Variants in CHODL observed in about 807,000 individuals in gnomAD.
CHODL encodes chondrolectin.
A neutral mutation model predicts 34.5 loss-of-function variants in CHODL; 29 were observed. That is an observed-to-expected ratio of 0.84 (90% CI 0.63 to 1.15). The LOEUF is 1.15. CHODL is among the 50% of genes most tolerant of loss of function. CHODL has a pLI of 0.00. For missense variants in CHODL, 332 were observed against 332.5 expected (o/e 1.00, Z 0.01); for synonymous variants, 125 against 116.1 (o/e 1.08, Z -0.49).
At chr21:18,188,392 C>T (rs1457710351) in intron 2 of CHODL, among the ~76,000 whole-genome samples, 1 of 152,134 alleles carries the variant, frequency 6.6e-6, no homozygotes, top group Non-Finnish European at 1.5e-5. Flanking sequence ...ATAGGCATTT[C>T]AAACTTAACA....
chr21:18,162,331 G>C (rs1005416937), intron 2 of CHODL, among the ~76,000 whole-genome samples: 1 of 151,898 alleles, frequency 6.6e-6, no homozygotes. Context: ...CCTAATTCTT[G>C]GTGGTTTGCT....
chr21:18,041,991 G>C (rs986568391), intron 2 of CHODL, among the ~76,000 whole-genome samples: 1 of 151,636 alleles, frequency 6.6e-6, no homozygotes, highest in African/African-American at 2.4e-5. Context: ...GTAGAATTTG[G>C]AGAGGTGAAA....
intron 2 of CHODL, among the ~76,000 whole-genome samples, chr21:18,114,474 T>A (rs776264340): frequency 6.6e-6 from 1 of 152,128 alleles, no homozygotes; most frequent in Non-Finnish European, 1.5e-5. Context: ...TTTTTTGAGA[T>A]GGAATTTCGC....
At chr21:18,192,416 T>A (rs1454729062) in intron 2 of CHODL, among the ~76,000 whole-genome samples, 1 of 152,136 alleles carries the variant, frequency 6.6e-6, no homozygotes, top group Non-Finnish European at 1.5e-5. Context: ...AAAAGAAATG[T>A]GTATGCATCT....
chr21:17,957,341 T>C (rs868214609), intron 1 of CHODL, among the ~76,000 whole-genome samples: 2 of 152,310 alleles, frequency 1.3e-5, no homozygotes, highest in Middle Eastern at 3.4e-3. Context: ...ACTTTTTTAC[T>C]TAAAATCTTT....
At chr21:18,249,048 T>C (rs989065397) in intron 1 of CHODL, among the ~76,000 whole-genome samples, 3 of 123,308 alleles carry the variant, frequency 2.4e-5, no homozygotes, top group Non-Finnish European at 4.8e-5. Flanking sequence ...TAATATTATA[T>C]ATATTATATA....
chr21:18,195,886 A>T (rs777581502), intron 2 of CHODL, among the ~76,000 whole-genome samples: 3 of 152,212 alleles, frequency 2.0e-5, no homozygotes, highest in Non-Finnish European at 2.9e-5. Context: ...ATGAAAATAC[A>T]GATTGTTAGT....
At chr21:18,155,202 G>C (rs780243761) in intron 2 of CHODL, among the ~76,000 whole-genome samples, 1 of 152,130 alleles carries the variant, frequency 6.6e-6, no homozygotes, top group African/African-American at 2.4e-5. Flanking sequence ...TAAAAGTCAG[G>C]TTGAAGAAAG....
chr21:18,128,762 T>C (rs1288981500), intron 2 of CHODL, among the ~76,000 whole-genome samples: 1 of 152,216 alleles, frequency 6.6e-6, no homozygotes, highest in Non-Finnish European at 1.5e-5. Context: ...CTGTTCATGA[T>C]GGTATATCAT....
chr21:18,168,656 T>G (rs573378612), intron 2 of CHODL, among the ~76,000 whole-genome samples: 1 of 152,352 alleles, frequency 6.6e-6, no homozygotes, highest in South Asian at 2.1e-4. Context: ...GAGTTCTTTA[T>G]ATATTCTGGA....
rs2065535374 is a variant in CHODL at position 18,125,737 on chromosome 21, A to G, written c.-45+97766A>G. Among the ~76,000 whole-genome samples, 7 of 152,210 alleles carry G rather than the reference A, an allele frequency of 4.6e-5. No individual in the cohort carries two copies. The South Asian group carries it at 1.0e-3, about 23-fold the overall frequency. ...CAGCCTCCCAAGTAGCTGGGATTAC[A>G]GTCATGTGCTAATTTAAAGATTAAA... On this transcript the variant is annotated intron_variant, in intron 2 of 6. Coordinates refer to the CHODL transcript ENST00000400127.
intron 2 of CHODL, among the ~76,000 whole-genome samples, chr21:18,194,469 C>G (rs571791983): frequency 4.5e-4 from 68 of 152,214 alleles, no homozygotes; most frequent in African/African-American, 1.6e-3. Flanking sequence ...CGAGATGTCT[C>G]GCTCCTGATT....
At chr21:18,102,869 T>C (rs1208525605) in intron 2 of CHODL, among the ~76,000 whole-genome samples, 1 of 152,164 alleles carries the variant, frequency 6.6e-6, no homozygotes, top group Non-Finnish European at 1.5e-5. Flanking sequence ...AAAGTAAGAA[T>C]TGGAACTGAA....
intron 1 of CHODL, among the ~76,000 whole-genome samples, chr21:18,255,659 A>G (rs1322091082): frequency 6.6e-6 from 1 of 152,084 alleles, no homozygotes; most frequent in Non-Finnish European, 1.5e-5. Context: ...TATTCATTCC[A>G]CTGTTCTCTA....
chr21:18,048,203 T>C lies in CHODL; in HGVS notation c.-45+20232T>C, dbSNP rs180790829. ...AAAAAGAGGAGGAATTGATTTGCTT[T>C]TCTCAAAAATGATGGCGTTCTCATT... On this transcript the variant is annotated intron_variant, in intron 2 of 6. Coordinates refer to the CHODL transcript ENST00000400127. Among the ~76,000 whole-genome samples, 307 of 152,058 alleles carry C rather than the reference T, an allele frequency of 2.0e-3. 4 individuals are homozygous for C. In the Middle Eastern group the frequency reaches 0.061, roughly 30 times the overall value.
In CHODL at chr21:18,203,457, CCAT is replaced by C. The variant is rs988733739; in HGVS notation, c.-44-53049_-44-53047del. ...TTTCTTCTAAGTTGCATTTAAATCT[CCAT>C]CAAAACATTATTAATTTATAATTTT... On this transcript the variant is annotated intron_variant, in intron 2 of 6. Transcript: ENST00000400127. 8.5e-5 allele frequency among the ~76,000 whole-genome samples: 13 copies of C among 152,234 alleles called. 1 individual carries two copies. Among genetic ancestry groups the C allele is most frequent in the African/African-American group, 3.1e-4 (13 of 41,572 alleles).
At chr21:18,170,116 G>T (rs750264411) in intron 2 of CHODL, among the ~76,000 whole-genome samples, 2 of 151,772 alleles carry the variant, frequency 1.3e-5, no homozygotes, top group African/African-American at 4.8e-5. Flanking sequence ...CTTTTTTGGT[G>T]CATGTATATT....
intron 1 of CHODL, among the ~76,000 whole-genome samples, chr21:18,013,925 G>A (rs547394738): frequency 3.9e-5 from 6 of 152,124 alleles, no homozygotes; most frequent in African/African-American, 7.2e-5. Flanking sequence ...GTGAGCCACC[G>A]CGCCTGGCTA....
intron 1 of CHODL, among the ~76,000 whole-genome samples, chr21:17,918,567 C>T (rs1466692057): frequency 3.9e-5 from 6 of 152,276 alleles, no homozygotes; most frequent in Middle Eastern, 3.4e-3. Flanking sequence ...CACTTCCCCC[C>T]GGGTTCCTCC....
Sources: gnomAD v4.1 joint callset for allele counts (sites outside exome capture counted in the v4.1 genomes callset) on GRCh38, gnomAD v4.1.1 for gene constraint, MANE v1.5 for transcripts, NCBI Gene and HGNC (gene_info 2026-07-23, HGNC 2026-07-21) for gene names.